The following BCKDHB variants were observed in gnomAD, a reference collection of about 807,000 sequenced individuals.
BCKDHB encodes the protein branched chain keto acid dehydrogenase E1 subunit beta, also known as 2-oxoisovalerate dehydrogenase subunit beta, mitochondrial.
A neutral mutation model predicts 48.5 loss-of-function variants in BCKDHB; 41 were observed. That is an observed-to-expected ratio of 0.85 (90% CI 0.66 to 1.10). The LOEUF is 1.10. BCKDHB is among the 50% of genes least tolerant of loss of function. BCKDHB has a pLI of 0.00. For synonymous variants in BCKDHB, 201 were observed against 174.8 expected, an observed-to-expected ratio of 1.15 and a Z score of -1.18; for missense variants, 496 against 494.2, an observed-to-expected ratio of 1.00 and a Z score of -0.03.
chr6:80,296,422 G>T (rs1294826686), intron 9 of BCKDHB, among the ~76,000 whole-genome samples: 1 of 152,006 alleles, frequency 6.6e-6, no homozygotes, highest in Non-Finnish European at 1.5e-5. Flanking sequence ...GGAATTGTAG[G>T]AGTTTCCCAT....
At chr6:80,374,275 C>T in the BCKDHB span, 5 of 845,514 alleles carry the variant, frequency 5.9e-6, no homozygotes, top group South Asian at 5.3e-5. Flanking sequence ...CCATTACTGT[C>T]TGCATTTTTA....
chr6:80,315,723 A>T (rs1033363643), intron 9 of BCKDHB, among the ~76,000 whole-genome samples: 1 of 151,970 alleles, frequency 6.6e-6, no homozygotes, highest in Non-Finnish European at 1.5e-5. Flanking sequence ...GGCTCAAGGA[A>T]TCCTTCCACG....
chr6:80,289,400 A>G (rs1352408770), intron 9 of BCKDHB, among the ~76,000 whole-genome samples: 1 of 152,190 alleles, frequency 6.6e-6, no homozygotes, highest in Non-Finnish European at 1.5e-5. Flanking sequence ...AAAAGATCAA[A>G]GGAGACATAA....
At chr6:80,404,443 T>C in the BCKDHB span, among the ~76,000 whole-genome samples, 1 of 135,544 alleles carries the variant, frequency 7.4e-6, no homozygotes, top group Non-Finnish European at 1.7e-5. Context: ...ATTTTATTTA[T>C]TTGAGTCTTC....
At chr6:80,464,595 T>C in the BCKDHB span, among the ~76,000 whole-genome samples, 13 of 152,232 alleles carry the variant, frequency 8.5e-5, no homozygotes, top group African/African-American at 2.4e-4. Flanking sequence ...TCTTGCCCAA[T>C]GGAGGCCATT....
the BCKDHB span, among the ~76,000 whole-genome samples, chr6:80,410,457 G>T: frequency 1.7e-3 from 256 of 152,210 alleles, no homozygotes; most frequent in African/African-American, 5.9e-3. Flanking sequence ...GTATCTTTGT[G>T]GTGTTCTCTA....
At chr6:80,413,776 C>G in the BCKDHB span, among the ~76,000 whole-genome samples, 330 of 152,214 alleles carry the variant, frequency 2.2e-3, 1 homozygote, top group Admixed American at 3.7e-3. Context: ...GCATGTTTCT[C>G]TATGGTAGAA....
chr6:80,255,851 G>A (rs775265710), intron 8 of BCKDHB, among the ~76,000 whole-genome samples: 3 of 152,198 alleles, frequency 2.0e-5, no homozygotes, highest in Non-Finnish European at 4.4e-5. Context: ...ACATAAAGAT[G>A]TCAGATGTAC....
intron 8 of BCKDHB, among the ~76,000 whole-genome samples, chr6:80,264,853 A>G (rs1275956299): frequency 1.3e-5 from 2 of 152,098 alleles, no homozygotes; most frequent in African/African-American, 4.8e-5. Context: ...TTGAAACACT[A>G]TATCAACAAC....
At chr6:80,264,840 C>T (rs984738392) in intron 8 of BCKDHB, among the ~76,000 whole-genome samples, 2 of 151,972 alleles carry the variant, frequency 1.3e-5, no homozygotes, top group African/African-American at 2.4e-5. Context: ...GTATTAAGCA[C>T]CTTTGAAACA....
At chr6:80,214,926 A>G (rs1775100802) in intron 8 of BCKDHB, among the ~76,000 whole-genome samples, 1 of 152,222 alleles carries the variant, frequency 6.6e-6, no homozygotes, top group Non-Finnish European at 1.5e-5. Flanking sequence ...GTACAAGGAT[A>G]TATGGGTTTA....
chr6:80,138,902 A>G (rs1389877790), intron 3 of BCKDHB, among the ~76,000 whole-genome samples: 1 of 152,216 alleles, frequency 6.6e-6, no homozygotes, highest in East Asian at 1.9e-4. Flanking sequence ...TGGTTGAACT[A>G]GTTTATAGTC....
At chr6:80,138,608 A>G (rs1476987423) in intron 3 of BCKDHB, among the ~76,000 whole-genome samples, 1 of 152,118 alleles carries the variant, frequency 6.6e-6, no homozygotes, top group African/African-American at 2.4e-5. Context: ...CCATGTCCCT[A>G]CAAAGGACAT....
At chr6:80,316,610 A>T (rs116713293) in intron 9 of BCKDHB, among the ~76,000 whole-genome samples, 1,685 of 152,304 alleles carry the variant, frequency 0.011, 41 homozygotes, top group African/African-American at 0.038. Context: ...TACTTCCCAC[A>T]AGGAATTCTT....
At chr6:80,138,817 C>T (rs1284274892) in intron 3 of BCKDHB, among the ~76,000 whole-genome samples, 1 of 152,120 alleles carries the variant, frequency 6.6e-6, no homozygotes, top group Non-Finnish European at 1.5e-5. Flanking sequence ...GGTATATACC[C>T]AGTAATGGGA....
chr6:80,431,498 G>A, the BCKDHB span, among the ~76,000 whole-genome samples: 5 of 152,150 alleles, frequency 3.3e-5, no homozygotes, highest in Admixed American at 6.5e-5. Flanking sequence ...ATGAATCTGG[G>A]TGCTCCTGTA....
chr6:80,399,465 G>C, the BCKDHB span, among the ~76,000 whole-genome samples: 7 of 152,028 alleles, frequency 4.6e-5, no homozygotes, highest in African/African-American at 1.4e-4. Flanking sequence ...GAATCAAGCT[G>C]GAAGCCAAAT....
intron 8 of BCKDHB, among the ~76,000 whole-genome samples, chr6:80,210,095 A>G (rs1774846143): frequency 6.8e-6 from 1 of 148,040 alleles, no homozygotes. Flanking sequence ...CCTATAACCT[A>G]GCAATTCCAA....
At chr6:80,122,597 A>G (rs1582180861) in intron 1 of BCKDHB, among the ~76,000 whole-genome samples, 1 of 152,140 alleles carries the variant, frequency 6.6e-6, no homozygotes, top group Non-Finnish European at 1.5e-5. Flanking sequence ...CAAACCAACA[A>G]GTTTTTTATT....
Sources: allele counts gnomAD v4.1 joint callset (sites outside exome capture counted in the v4.1 genomes callset), GRCh38; gene constraint gnomAD v4.1.1; transcripts MANE v1.5; gene names NCBI Gene and HGNC (gene_info 2026-07-23, HGNC 2026-07-21).